Variants in GMNN observed in about 807,000 individuals in gnomAD.
GMNN encodes geminin DNA replication inhibitor.
A neutral mutation model predicts 20.9 loss-of-function variants in GMNN; 14 were observed. That is an observed-to-expected ratio of 0.67 (90% confidence interval 0.44 to 1.05). The LOEUF is 1.05. GMNN is among the 50% of genes least tolerant of loss of function. The pLI, the probability that GMNN is intolerant of heterozygous loss-of-function variation, is 0.00. For synonymous variants in GMNN, 81 were observed against 85.8 expected, an observed-to-expected ratio of 0.94 and a Z score of 0.31; for missense variants, 227 against 243.8, an observed-to-expected ratio of 0.93 and a Z score of 0.46.
chr6:24,781,649 T>A (rs369471914), intron 4 of GMNN, 28 bp downstream of exon 4: 16 of 1,162,202 alleles, frequency 1.4e-5, no homozygotes, highest in East Asian at 7.9e-5. Context: ...ACTTTTGTCT[T>A]AATTTTAAAT....
rs1236825175 is a variant in GMNN at position 24,785,708 on chromosome 6, C to G, written c.539C>G (p.Thr180Ser). 5.1e-6 allele frequency: 8 copies of G among 1,560,876 alleles called. No individual in the cohort carries two copies. Among genetic ancestry groups the G allele is most frequent in the Non-Finnish European group, 7.0e-6 (8 of 1,138,432 alleles). The change falls in exon 7 of 7, where the codon ACT becomes AGT. Residue 180 changes from threonine to serine, a missense_variant. Transcript: ENST00000230056. ...CAGGAATTTGATTCTGAAGAAGAAA[C>G]TGTTGAGGATTCTCTAGTGGAAGAC... ...DNQEFDSEEETVEDSLVEDSE... is the reference protein window; with the variant it reads ...DNQEFDSEEESVEDSLVEDSE...
chr6:24,784,060 A>T (rs1210007376), intron 4 of GMNN, 27 bp from the exon 5 acceptor site: 1 of 1,060,184 alleles, frequency 9.4e-7, no homozygotes, highest in Admixed American at 2.0e-5. Flanking sequence ...AATGATTTTT[A>T]AAGTTATATT....
chr6:24,779,749 G>C (rs1780156126), intron 2 of GMNN, among the ~76,000 whole-genome samples: 1 of 152,114 alleles, frequency 6.6e-6, no homozygotes, highest in South Asian at 2.1e-4. Context: ...ATGATATTTT[G>C]CAAAAATAGG....
Position 24,780,748 on chromosome 6 carries a change from C to T in GMNN, c.129+8C>T. 1.4e-6 allele frequency: 2 copies of T among 1,405,734 alleles called. No homozygotes were observed. The highest frequency in any genetic ancestry group is 1.7e-5 in the Admixed American group (1 of 59,696). The allele number at this position is 1,405,734 out of a possible 1,614,324, so 87.1% of individuals were successfully genotyped here. ...GTTGGAAGAGAAAATGAGGTATGCA[C>T]TATATGGCTAAAATGGGGTACTGGT... On this transcript the variant is annotated splice_region_variant and intron_variant, in intron 3 of 6. Coordinates refer to ENST00000230056, the MANE Select transcript of GMNN (RefSeq NM_015895.5).
In GMNN at chr6:24,780,735, A is replaced by G; in HGVS notation, c.124A>G (p.Asn42Asp). The change falls in exon 3 of 7, where the codon AAT becomes GAT. Residue 42 changes from asparagine to aspartate, a missense_variant. Transcript: ENST00000230056. ...SASGSLVGRE[N>D]ELSAGLSKRK... ...ATCTGGATCTCTTGTTGGAAGAGAA[A>G]ATGAGGTATGCACTATATGGCTAAA... The G allele has an allele frequency of 1.3e-6, 2 of 1,525,730 alleles. No individual in the cohort carries two copies. The highest frequency in any genetic ancestry group is 1.8e-6 in the Non-Finnish European group (2 of 1,099,406). The allele number at this position is 1,525,730 out of a possible 1,614,324, so 94.5% of individuals were successfully genotyped here.
chr6:24,780,008 C>T, intron 2 of GMNN, among the ~76,000 whole-genome samples: 1 of 152,066 alleles, frequency 6.6e-6, no homozygotes, highest in East Asian at 1.9e-4. Context: ...AAGTTACATT[C>T]TTTTGGTGAG....
Position 24,775,002 on chromosome 6 carries a change from G to C in GMNN, c.-268G>C, listed in dbSNP as rs1049729483. On this transcript the variant is annotated 5_prime_UTR_variant, in exon 1 of 7. Coordinates refer to ENST00000230056, the MANE Select transcript of GMNN (RefSeq NM_015895.5). ...TTAGCAGGGCTTTACTGCAGAGCGCGCCGGGCACTCCAGCGACCGTGGGGA... is the reference window on the plus strand; with the variant it reads ...TTAGCAGGGCTTTACTGCAGAGCGCCCCGGGCACTCCAGCGACCGTGGGGA... 1.3e-5 allele frequency: 2 copies of C among 152,368 alleles called. No individual in the cohort carries two copies. Among genetic ancestry groups the C allele is most frequent in the African/African-American group, 4.8e-5 (2 of 41,466 alleles). 9.4% of individuals were successfully genotyped at this position (152,368 alleles called of 1,614,324 possible).
chr6:24,785,795 T>C lies in GMNN; in HGVS notation c.626T>C (p.Ile209Thr). Residue 209 changes from isoleucine to threonine, a missense_variant, in exon 7 of 7, where the codon ATA becomes ACA. Ile to Thr is a moderately conservative substitution (Grantham distance 89). Transcript: ENST00000230056. ...TCCTCTACGGATGCAAAGCCATGTATATGAAATGCATTAATATTTGACTGT... is the reference window on the plus strand; with the variant it reads ...TCCTCTACGGATGCAAAGCCATGTACATGAAATGCATTAATATTTGACTGT... ...VSSSTDAKPCI is the reference protein window; with the variant it reads ...VSSSTDAKPCT 1 of 1,563,528 alleles carries C rather than the reference T, an allele frequency of 6.4e-7. No individual in the cohort carries two copies. Among genetic ancestry groups the C allele is most frequent in the Non-Finnish European group, 8.7e-7 (1 of 1,152,930 alleles).
chr6:24,780,938 C>T (rs9467310), intron 3 of GMNN, among the ~76,000 whole-genome samples, 198 bp downstream of exon 3: 3,045 of 152,266 alleles, frequency 0.02, 105 homozygotes, highest in African/African-American at 0.068. Flanking sequence ...CAGTGGCTCA[C>T]GCCTGTTATC....
At chr6:24,784,745 C>T (rs1220786129) in intron 6 of GMNN, among the ~76,000 whole-genome samples, 191 bp downstream of exon 6, 1 of 152,114 alleles carries the variant, frequency 6.6e-6, no homozygotes, top group Non-Finnish European at 1.5e-5. Flanking sequence ...TCATCTTCCT[C>T]ATCCACAAAA....
chr6:24,785,129 T>C (rs1780316599), intron 6 of GMNN, among the ~76,000 whole-genome samples: 2 of 152,294 alleles, frequency 1.3e-5, no homozygotes, highest in African/African-American at 4.8e-5. Context: ...GACTTGACCT[T>C]AAAAAGGTTT....
At chr6:24,777,772 G>GT (rs1780112364) in intron 2 of GMNN, 1 of 152,104 alleles carries the variant, frequency 6.6e-6, no homozygotes, top group Non-Finnish European at 1.5e-5. Flanking sequence ...TCTCTGTGAA[G>GT]ATTCCAGAAG....
At chr6:24,781,645 G>T in intron 4 of GMNN, 24 bp downstream of exon 4, 1 of 1,220,064 alleles carries the variant, frequency 8.2e-7, no homozygotes, top group Non-Finnish European at 1.1e-6. Context: ...GATAACTTTT[G>T]TCTTAATTTT....
intron 2 of GMNN, among the ~76,000 whole-genome samples, chr6:24,779,896 T>C (rs1035911103): frequency 6.6e-6 from 1 of 152,224 alleles, no homozygotes. Flanking sequence ...AGCCACCTTC[T>C]AATGAATGGG....
chr6:24,783,018 A>G (rs1311400168), intron 4 of GMNN, among the ~76,000 whole-genome samples: 1 of 152,200 alleles, frequency 6.6e-6, no homozygotes, highest in African/African-American at 2.4e-5. Flanking sequence ...CACACCGTGT[A>G]TCCAGTTCTT....
chr6:24,784,220 T>G, intron 5 of GMNN, 51 bp downstream of exon 5: 1 of 963,994 alleles, frequency 1.0e-6, no homozygotes, highest in Non-Finnish European at 1.7e-6. Context: ...AGGATTGTTT[T>G]GCTGCTTAGC....
At chr6:24,785,417 A>T (rs549755874) in intron 6 of GMNN, among the ~76,000 whole-genome samples, 164 of 149,452 alleles carry the variant, frequency 1.1e-3, no homozygotes, top group Middle Eastern at 3.5e-3. Flanking sequence ...AGTGCTTTTT[A>T]AAAAAAAAAG....
intron 6 of GMNN, 97 bp from the exon 7 acceptor site, chr6:24,785,541 G>T: frequency 3.6e-6 from 2 of 551,812 alleles, no homozygotes; most frequent in East Asian, 3.3e-5. Context: ...AAATCTCATA[G>T]CTATATCAGT....
chr6:24,781,428 T>G (rs1780215067), intron 3 of GMNN, 49 bp from the exon 4 acceptor site: 1 of 1,288,046 alleles, frequency 7.8e-7, no homozygotes, highest in Non-Finnish European at 1.1e-6. Context: ...ACCTAATTTC[T>G]TGTTAATTAA....
Sources: gnomAD v4.1 joint callset for allele counts (sites outside exome capture counted in the v4.1 genomes callset) on GRCh38, gnomAD v4.1.1 for gene constraint, MANE v1.5 for transcripts, NCBI Gene and HGNC (gene_info 2026-07-23, HGNC 2026-07-21) for gene names.